The following LAMA2 variants were observed in gnomAD, a reference collection of about 807,000 sequenced individuals.
LAMA2 encodes the protein laminin subunit alpha 2.
LAMA2 carries 269 observed loss-of-function variants against 364.8 expected under a neutral mutation model. That is an observed-to-expected ratio of 0.74 (90% CI 0.67 to 0.82). The LOEUF is 0.82. LAMA2 is among the 40% of genes least tolerant of loss of function. The pLI is 0.00. For missense variants in LAMA2, 3,807 were observed against 3,873.2 expected (o/e 0.98, Z 0.45); for synonymous variants, 1,379 against 1,370.6 (o/e 1.01, Z -0.14).
chr6:129,202,244 C>T (rs141646727), intron 12 of LAMA2, among the ~76,000 whole-genome samples: 20 of 137,960 alleles, frequency 1.4e-4, no homozygotes, highest in African/African-American at 5.4e-4. Flanking sequence ...TGCAGAGGAA[C>T]AAAGATAAGG....
rs373757863 is a variant in LAMA2, at chr6:129,315,490, T to G, written c.3570T>G (p.Ala1190=). The part of the protein sequence containing the change: ...GLIRTWVTLK[A]EQTILPLVDE... ...ACCCCTTGCAGGTGACTCTGAAGGC[T>G]GAGCAGACCATTCTACCCCTGGTAG... Residue 1190 remains alanine, a synonymous_variant, in exon 25 of 65, where the codon GCT becomes GCG. Coordinates refer to ENST00000421865, the MANE Select transcript of LAMA2 (RefSeq NM_000426.4). 1 of 1,614,214 alleles carries G rather than the reference T, an allele frequency of 6.2e-7. No individual in the cohort carries two copies. The highest frequency in any genetic ancestry group is 1.1e-5 in the South Asian group (1 of 91,076).
chr6:129,083,082 AC>A, intron 3 of LAMA2, among the ~76,000 whole-genome samples: 1 of 124,066 alleles, frequency 8.1e-6, no homozygotes, highest in African/African-American at 2.6e-5. Flanking sequence ...CTGCTCACAC[AC>A]ACACACACAC....
In LAMA2 at chr6:129,516,240, A is replaced by G. The variant is rs768834542; in HGVS notation, c.9262A>G (p.Ile3088Val). 7.9e-5 allele frequency: 128 copies of G among 1,613,990 alleles called. No individual in the cohort carries two copies. Among genetic ancestry groups the G allele is most frequent in the Non-Finnish European group, 1.0e-4 (122 of 1,179,996 alleles). Residue 3088 changes from isoleucine (I) to valine (V), a missense_variant, in exon 65 of 65, where the codon ATC (isoleucine) becomes GTC (valine). This residue lies in a region of LAMA2 where 3,333 missense variants were observed against 3,345.7 expected (regional missense o/e 1.00). Transcript: ENST00000421865. ...LTTSIPFRGCIRSLKLTKGTG... is the reference protein window; with the variant it reads ...LTTSIPFRGCVRSLKLTKGTG... ...AACCAGTATTCCGTTCCGAGGTTGC[A>G]TCAGATCCCTGAAGCTCACCAAAGG...
At chr6:129,049,465 A>C (rs1388769073) in intron 1 of LAMA2, among the ~76,000 whole-genome samples, 1 of 152,112 alleles carries the variant, frequency 6.6e-6, no homozygotes, top group Non-Finnish European at 1.5e-5. Flanking sequence ...ATTTACACTG[A>C]AGGATAATTA....
chr6:129,495,593 C>T (rs1009097427), intron 58 of LAMA2, among the ~76,000 whole-genome samples: 1 of 152,190 alleles, frequency 6.6e-6, no homozygotes, highest in Non-Finnish European at 1.5e-5. Context: ...GGACCTTCTT[C>T]TCTACCACTA....
At chr6:129,255,269 G>C (rs1463633510) in intron 14 of LAMA2, among the ~76,000 whole-genome samples, 3 of 151,772 alleles carry the variant, frequency 2.0e-5, no homozygotes. Flanking sequence ...AGCCAGACAT[G>C]GTGGCACGTG....
intron 34 of LAMA2, among the ~76,000 whole-genome samples, chr6:129,375,794 A>T (rs1243025122): frequency 1.3e-5 from 2 of 152,122 alleles, no homozygotes; most frequent in African/African-American, 4.8e-5. Context: ...CTTTGGTCCT[A>T]TGTGCCTTAC....
intron 40 of LAMA2, among the ~76,000 whole-genome samples, chr6:129,425,316 A>G (rs1302704090): frequency 6.6e-6 from 1 of 152,050 alleles, no homozygotes; most frequent in African/African-American, 2.4e-5. Context: ...TAGTCCCTCC[A>G]CAATTTCCAC....
intron 16 of LAMA2, among the ~76,000 whole-genome samples, chr6:129,270,266 TACACACACACACACACACACAC>T (rs10522614): frequency 8.4e-5 from 12 of 142,932 alleles, no homozygotes; most frequent in South Asian, 7.1e-4. Context: ...GCTCTATGAC[TACACACACACACACACACACAC>T]ACACACACAC....
At chr6:129,150,794 A>T (rs908890108) in intron 7 of LAMA2, among the ~76,000 whole-genome samples, 1 of 152,202 alleles carries the variant, frequency 6.6e-6, no homozygotes. Flanking sequence ...CAATGAGTAC[A>T]TTCCTGAAAG....
chr6:129,300,630 A>G, intron 21 of LAMA2, 106 bp from the exon 22 acceptor site: 1 of 1,134,134 alleles, frequency 8.8e-7, no homozygotes, highest in Admixed American at 1.7e-5. Context: ...TTAAGTGTAG[A>G]ACTGAAAAGA....
At chr6:129,420,725 T>C (rs1781031179) in intron 40 of LAMA2, among the ~76,000 whole-genome samples, 1 of 152,092 alleles carries the variant, frequency 6.6e-6, no homozygotes, top group Non-Finnish European at 1.5e-5. Flanking sequence ...AAAAGCAAAA[T>C]ATATAAAGCA....
intron 22 of LAMA2, among the ~76,000 whole-genome samples, chr6:129,301,807 C>A (rs1045540161): frequency 6.6e-6 from 1 of 152,072 alleles, no homozygotes; most frequent in African/African-American, 2.4e-5. Flanking sequence ...GTCCCCATCA[C>A]CCCCCATGTG....
intron 49 of LAMA2, among the ~76,000 whole-genome samples, chr6:129,461,863 A>T (rs1473170442): frequency 1.3e-5 from 2 of 152,160 alleles, no homozygotes; most frequent in East Asian, 3.9e-4. Flanking sequence ...AGCCATGAAA[A>T]GACATCACCA....
chr6:129,328,138 G>A (rs747430769), intron 28 of LAMA2, 140 bp from the exon 29 acceptor site: 7 of 762,432 alleles, frequency 9.2e-6, no homozygotes, highest in Admixed American at 1.8e-5. Context: ...TATCAAAATC[G>A]GCACTTGCGT....
At chr6:129,359,609 G>A (rs530459712) in intron 32 of LAMA2, among the ~76,000 whole-genome samples, 1 of 129,714 alleles carries the variant, frequency 7.7e-6, no homozygotes, top group South Asian at 2.7e-4. Flanking sequence ...ACCGTCAATG[G>A]CATTCATCTA....
intron 1 of LAMA2, among the ~76,000 whole-genome samples, chr6:128,887,060 T>C (rs1402573156): frequency 2.0e-5 from 3 of 152,256 alleles, no homozygotes; most frequent in Non-Finnish European, 2.9e-5. Flanking sequence ...TATAAAAATG[T>C]GTTTTTAAAT....
intron 37 of LAMA2, among the ~76,000 whole-genome samples, chr6:129,397,817 G>A (rs913253909): frequency 3.3e-5 from 5 of 151,750 alleles, no homozygotes; most frequent in African/African-American, 9.7e-5. Context: ...GCAGGCACCT[G>A]CAGTCCCTAC....
At chr6:129,017,206 TG>T (rs1481522693) in intron 1 of LAMA2, among the ~76,000 whole-genome samples, 2 of 152,150 alleles carry the variant, frequency 1.3e-5, no homozygotes, top group Middle Eastern at 3.4e-3. Context: ...TTAACCGTTT[TG>T]TAACTCAATG....
Sources: allele counts gnomAD v4.1 joint callset (sites outside exome capture counted in the v4.1 genomes callset), GRCh38; gene constraint gnomAD v4.1.1; regional missense constraint gnomAD v4.1.1; transcripts MANE v1.5; gene names NCBI Gene and HGNC (gene_info 2026-07-23, HGNC 2026-07-21).